TBC1D12: variants seen among roughly 807,000 people sequenced by gnomAD.
TBC1D12 encodes TBC1 domain family, member 12.
A neutral mutation model predicts 86.7 loss-of-function variants in TBC1D12; 56 were observed. The ratio of observed to expected loss-of-function variants is 0.65; its 90% CI spans 0.52 to 0.81. The LOEUF is 0.81. Among genes scored for constraint, TBC1D12 ranks in the 30% least tolerant of loss-of-function variants. The pLI is 0.00. For synonymous variants in TBC1D12, 421 were observed against 411.7 expected (o/e 1.02, Z -0.27); for missense variants, 1,023 against 1,038.8 (o/e 0.98, Z 0.21).
At chr10:94,464,953 A>G (rs2055784638) in intron 2 of TBC1D12, among the ~76,000 whole-genome samples, 3 of 152,110 alleles carry the variant, frequency 2.0e-5, no homozygotes, top group Non-Finnish European at 1.5e-5. Context: ...TTTGCTTTAT[A>G]TTGTTTTAGT....
chr10:94,463,240 G>A (rs925920068), intron 2 of TBC1D12, among the ~76,000 whole-genome samples: 7 of 152,118 alleles, frequency 4.6e-5, no homozygotes, highest in Middle Eastern at 3.4e-3. Flanking sequence ...TCCATTTTCC[G>A]TTGCTTATAA....
chr10:94,403,121 G>C lies in TBC1D12; in HGVS notation c.508G>C (p.Gly170Arg). The part of the protein sequence containing the change: ...GRESRRRRPY[G>R]RLRLEGPGDE... ...GGAGTCGCGCCGCCGCCGCCCCTAC[G>C]GCCGCCTTCGCCTGGAGGGGCCTGG... Residue 170 changes from glycine to arginine, a missense_variant, in exon 1 of 13, where the codon GGC becomes CGC. This residue lies in a region of TBC1D12 where 628 missense variants were observed against 531.1 expected (regional missense o/e 1.18). Transcript: ENST00000225235. 1 of 1,389,822 alleles carries C rather than the reference G, an allele frequency of 7.2e-7. No homozygotes were observed. The highest frequency in any genetic ancestry group is 9.3e-7 in the Non-Finnish European group (1 of 1,078,020). The allele number at this position is 1,389,822 out of a possible 1,614,324, so 86.1% of individuals were successfully genotyped here.
intron 4 of TBC1D12, 107 bp from the exon 5 acceptor site, chr10:94,496,948 A>G (rs1360557906): frequency 1.8e-6 from 1 of 551,418 alleles, no homozygotes; most frequent in Non-Finnish European, 3.0e-6. Flanking sequence ...TCCTCTTATG[A>G]TAATATTCTT....
rs1462043504 is a variant in TBC1D12, at chr10:94,522,174, C to G, written c.1890+91C>G. 2.1e-6 allele frequency: 3 copies of G among 1,407,152 alleles called. No homozygotes were observed. The East Asian group carries it at 7.0e-5, about 33-fold the overall frequency. 87.2% of individuals were successfully genotyped at this position (1,407,152 alleles called of 1,614,324 possible). A position where few individuals can be genotyped will look rare whatever the true frequency, so the allele number is the denominator to read the frequency against. On this transcript the variant is annotated intron_variant, in intron 10 of 12. Transcript: ENST00000225235. ...AATTAGAAGGCCAAAACAATCTAAT[C>G]TAATATAAACTTATCATTATATTAT...
At chr10:94,475,506 C>A (rs1428444258) in intron 3 of TBC1D12, among the ~76,000 whole-genome samples, 1 of 152,196 alleles carries the variant, frequency 6.6e-6, no homozygotes, top group Non-Finnish European at 1.5e-5. Context: ...TCTCAGCTCA[C>A]TACAGCTTCC....
chr10:94,521,531 C>G (rs1057429610), intron 9 of TBC1D12, among the ~76,000 whole-genome samples: 4 of 152,138 alleles, frequency 2.6e-5, no homozygotes, highest in African/African-American at 9.7e-5. Context: ...AGCAGCACTT[C>G]TGATAGATCT....
At chr10:94,532,960 GTTAT>G in intron 12 of TBC1D12, 64 bp from the exon 13 acceptor site, 1 of 876,582 alleles carries the variant, frequency 1.1e-6, no homozygotes, top group Non-Finnish European at 1.8e-6. Context: ...ATGAACTATA[GTTAT>G]TTAAATCTCT....
intron 2 of TBC1D12, among the ~76,000 whole-genome samples, chr10:94,470,946 T>C (rs991265053): frequency 5.3e-5 from 8 of 152,098 alleles, no homozygotes; most frequent in African/African-American, 1.9e-4. Flanking sequence ...ATACAACTTC[T>C]TATGTGAATG....
At chr10:94,418,208 G>A (rs1045256808) in intron 1 of TBC1D12, among the ~76,000 whole-genome samples, 10 of 152,168 alleles carry the variant, frequency 6.6e-5, no homozygotes, top group Admixed American at 6.5e-4. Flanking sequence ...TTATCTCCAA[G>A]TAAATCTAGC....
At chr10:94,443,686 C>T (rs556306674) in intron 2 of TBC1D12, among the ~76,000 whole-genome samples, 3 of 152,310 alleles carry the variant, frequency 2.0e-5, no homozygotes, top group Admixed American at 6.5e-5. Context: ...AGTGCTACTA[C>T]ATACTTTTCT....
intron 11 of TBC1D12, among the ~76,000 whole-genome samples, chr10:94,523,412 TATG>T (rs760802073): frequency 2.8e-4 from 42 of 152,092 alleles, no homozygotes; most frequent in Non-Finnish European, 5.3e-4. Flanking sequence ...CACAAGGGCT[TATG>T]ATAGTTATAA....
chr10:94,527,022 G>T (rs1359236363), intron 11 of TBC1D12, among the ~76,000 whole-genome samples: 3 of 151,846 alleles, frequency 2.0e-5, no homozygotes, highest in African/African-American at 7.3e-5. Context: ...TTGGTCATTT[G>T]TGTGTCTTCT....
Position 94,513,090 on chromosome 10 carries a change from T to C in TBC1D12, c.1761+1436T>C, listed in dbSNP as rs186609103. 1.1e-3 allele frequency among the ~76,000 whole-genome samples: 174 copies of C among 151,328 alleles called. 2 individuals are homozygous for C. Among genetic ancestry groups the C allele is most frequent in the African/African-American group, 4.0e-3 (165 of 41,164 alleles). On this transcript the variant is annotated intron_variant, in intron 9 of 12. Transcript: ENST00000225235. ...GGTGAAACCTCGTCTCTACTGAAAATACAAAAATTAGCTGGGCATGGTGGC... is the reference window on the plus strand; with the variant it reads ...GGTGAAACCTCGTCTCTACTGAAAACACAAAAATTAGCTGGGCATGGTGGC...
chr10:94,524,187 T>C (rs999332169), intron 11 of TBC1D12, among the ~76,000 whole-genome samples: 9 of 152,070 alleles, frequency 5.9e-5, no homozygotes, highest in African/African-American at 1.2e-4. Flanking sequence ...AACAAGGCAT[T>C]TTCAGGGTTT....
At chr10:94,510,959 T>A (rs1487224343) in intron 8 of TBC1D12, among the ~76,000 whole-genome samples, 2 of 152,182 alleles carry the variant, frequency 1.3e-5, no homozygotes, top group African/African-American at 4.8e-5. Context: ...TTACATAAAA[T>A]GAAACAGTGT....
chr10:94,531,767 A>C (rs1379145671), intron 12 of TBC1D12, among the ~76,000 whole-genome samples: 5 of 130,006 alleles, frequency 3.8e-5, no homozygotes, highest in African/African-American at 1.5e-4. Context: ...ATTTTATTTT[A>C]TTTTATGTTA....
At chr10:94,419,561 C>G (rs1247392802) in intron 1 of TBC1D12, among the ~76,000 whole-genome samples, 1 of 151,860 alleles carries the variant, frequency 6.6e-6, no homozygotes, top group Non-Finnish European at 1.5e-5. Context: ...CCCAGCTTCT[C>G]GGGAGACTGA....
At chr10:94,508,727 A>G (rs570068720) in intron 7 of TBC1D12, 1 of 151,868 alleles carries the variant, frequency 6.6e-6, no homozygotes, top group East Asian at 1.9e-4. Context: ...TCTCTAGCGC[A>G]TATCAGCCAG....
chr10:94,412,967 A>G (rs934528257), intron 1 of TBC1D12, among the ~76,000 whole-genome samples: 1 of 152,184 alleles, frequency 6.6e-6, no homozygotes, highest in Non-Finnish European at 1.5e-5. Context: ...GTCCACCAGG[A>G]ATCCAACTTT....
Sources: gnomAD v4.1 joint callset for allele counts (sites outside exome capture counted in the v4.1 genomes callset) on GRCh38, gnomAD v4.1.1 for gene constraint, gnomAD v4.1.1 regional missense constraint, MANE v1.5 for transcripts, NCBI Gene and HGNC (gene_info 2026-07-23, HGNC 2026-07-21) for gene names.